RETREG1: variants seen among roughly 807,000 people sequenced by gnomAD.
The protein encoded by RETREG1 is family with sequence similarity 134 member B.
A neutral mutation model predicts 54.8 loss-of-function variants in RETREG1; 44 were observed. That is an observed-to-expected ratio of 0.80 (90% CI 0.63 to 1.03). The LOEUF (loss-of-function observed/expected upper bound fraction) is 1.03. Among genes scored for constraint, RETREG1 ranks in the 50% least tolerant of loss-of-function variants. The pLI, the probability that RETREG1 is intolerant of heterozygous loss-of-function variation, is 0.00. For synonymous variants in RETREG1, 217 were observed against 238.5 expected, an observed-to-expected ratio of 0.91 and a Z score of 0.83; for missense variants, 554 against 605.1, an observed-to-expected ratio of 0.92 and a Z score of 0.89.
At chr5:16,558,916 T>C (rs1741780619) in intron 3 of RETREG1, among the ~76,000 whole-genome samples, 1 of 152,236 alleles carries the variant, frequency 6.6e-6, no homozygotes, top group Non-Finnish European at 1.5e-5. Context: ...TCTCACTAAG[T>C]TCCATTCCTT....
At chr5:16,605,704 G>T (rs565708028) in intron 1 of RETREG1, among the ~76,000 whole-genome samples, 2 of 152,342 alleles carry the variant, frequency 1.3e-5, no homozygotes, top group South Asian at 4.1e-4. Flanking sequence ...GGGCTGGGAA[G>T]TTCAAGATCA....
intron 3 of RETREG1, among the ~76,000 whole-genome samples, chr5:16,525,603 CA>C (rs1740690112): frequency 6.6e-6 from 1 of 152,108 alleles, no homozygotes; most frequent in Non-Finnish European, 1.5e-5. Context: ...GTCCTGGGCC[CA>C]CATTACAGAT....
chr5:16,510,716 G>A (rs754760996), intron 3 of RETREG1, among the ~76,000 whole-genome samples: 40 of 151,368 alleles, frequency 2.6e-4, no homozygotes, highest in Non-Finnish European at 4.9e-4. Context: ...CTTGAGCCTG[G>A]GAGGCGGAGG....
intron 3 of RETREG1, among the ~76,000 whole-genome samples, chr5:16,501,234 G>C (rs1369564455): frequency 1.3e-5 from 2 of 152,072 alleles, no homozygotes; most frequent in East Asian, 3.9e-4. Flanking sequence ...TGCCCATTTT[G>C]CTGATGACAA....
intron 3 of RETREG1, among the ~76,000 whole-genome samples, chr5:16,500,573 G>A (rs1739667401): frequency 6.6e-6 from 1 of 152,088 alleles, no homozygotes. Context: ...ATGGAAATAG[G>A]ACCAGTCAGA....
intron 1 of RETREG1, among the ~76,000 whole-genome samples, chr5:16,574,867 G>T (rs910883488): frequency 6.6e-6 from 1 of 152,204 alleles, no homozygotes; most frequent in African/African-American, 2.4e-5. Context: ...AGAATAAAAT[G>T]CCGCAGTCCA....
rs11303408 is a variant in RETREG1, at chr5:16,573,180, C to CAAAAAA, written c.321-1084_321-1079dup. On this transcript the variant is annotated intron_variant, in intron 1 of 8. Transcript: ENST00000306320. ...CTGGTGAGAGAGTGAGATTCTGTCT[C>CAAAAAA]AAAAAAAAAAAAAAAAAAAAAAAAA... Among the ~76,000 whole-genome samples, 24 of 45,144 alleles carry CAAAAAA rather than the reference C, an allele frequency of 5.3e-4. 2 individuals carry two copies. Among genetic ancestry groups the CAAAAAA allele is most frequent in the African/African-American group, 7.4e-4 (10 of 13,434 alleles). The allele number at this position is 45,144 out of a possible 152,430, so 29.6% of individuals were successfully genotyped here. A position where few individuals can be genotyped will look rare whatever the true frequency, so the allele number is the denominator to read the frequency against.
chr5:16,611,756 C>G (rs1391515714), intron 1 of RETREG1, among the ~76,000 whole-genome samples: 1 of 152,208 alleles, frequency 6.6e-6, no homozygotes, highest in Non-Finnish European at 1.5e-5. Context: ...CTGATACACA[C>G]AGCAGAGATG....
rs3993834 is a variant in RETREG1 at position 16,581,526 on chromosome 5, AACACACACACAC to A, written c.321-9436_321-9425del. On this transcript the variant is annotated intron_variant, in intron 1 of 8. Transcript: ENST00000306320. ...AAATACTTTTTAAGTTCAGAAACAC[AACACACACACAC>A]ACACACACACACACACACACACACA... 2.6e-3 allele frequency among the ~76,000 whole-genome samples: 380 copies of A among 143,716 alleles called. 2 individuals carry two copies. Among genetic ancestry groups the A allele is most frequent in the African/African-American group, 8.4e-3 (296 of 35,084 alleles). 94.3% of individuals were successfully genotyped at this position (143,716 alleles called of 152,430 possible). A position where few individuals can be genotyped will look rare whatever the true frequency, so the allele number is the denominator to read the frequency against.
At chr5:16,603,169 T>C (rs1270893282) in intron 1 of RETREG1, among the ~76,000 whole-genome samples, 1 of 152,186 alleles carries the variant, frequency 6.6e-6, no homozygotes, top group Non-Finnish European at 1.5e-5. Flanking sequence ...CCAGTGGAAT[T>C]AATTGATATT....
At chr5:16,539,017 C>A (rs1198957885) in intron 3 of RETREG1, among the ~76,000 whole-genome samples, 1 of 152,166 alleles carries the variant, frequency 6.6e-6, no homozygotes, top group East Asian at 1.9e-4. Flanking sequence ...GCTAGGCTGT[C>A]GGAATCTGTT....
chr5:16,601,809 G>T (rs1743062580), intron 1 of RETREG1, among the ~76,000 whole-genome samples: 1 of 152,134 alleles, frequency 6.6e-6, no homozygotes, highest in African/African-American at 2.4e-5. Context: ...TATCAACAGA[G>T]GTCTATCAGT....
intron 3 of RETREG1, among the ~76,000 whole-genome samples, chr5:16,534,107 A>C (rs1025124175): frequency 2.0e-5 from 3 of 152,058 alleles, no homozygotes; most frequent in Non-Finnish European, 2.9e-5. Context: ...AAAAAAAAAA[A>C]ACACATTTTC....
intron 3 of RETREG1, among the ~76,000 whole-genome samples, chr5:16,536,384 A>C (rs570789604): frequency 7.2e-5 from 11 of 152,240 alleles, no homozygotes; most frequent in Admixed American, 1.3e-4. Context: ...TAAAAACCCA[A>C]ACTTTACGTC....
chr5:16,489,502 AG>A (rs1374864385), intron 3 of RETREG1, among the ~76,000 whole-genome samples: 2 of 152,256 alleles, frequency 1.3e-5, no homozygotes, highest in Non-Finnish European at 2.9e-5. Context: ...AACATGTGCT[AG>A]CAGCCTGTTT....
At chr5:16,615,273 G>A (rs1314875526) in intron 1 of RETREG1, among the ~76,000 whole-genome samples, 4 of 151,396 alleles carry the variant, frequency 2.6e-5, no homozygotes, top group Admixed American at 2.6e-4. Flanking sequence ...GGTGGCGGGC[G>A]CCTGTAGTCC....
intron 5 of RETREG1, among the ~76,000 whole-genome samples, chr5:16,480,250 C>A (rs991246878): frequency 2.0e-5 from 3 of 151,994 alleles, no homozygotes; most frequent in Non-Finnish European, 2.9e-5. Flanking sequence ...CACACTTTTT[C>A]ATCTGGTTTT....
intron 3 of RETREG1, among the ~76,000 whole-genome samples, chr5:16,542,747 T>C (rs1741284900): frequency 6.6e-6 from 1 of 152,242 alleles, no homozygotes; most frequent in African/African-American, 2.4e-5. Flanking sequence ...GACAGTTCCA[T>C]GAAACTCCTA....
rs548251469 is a variant in RETREG1, at chr5:16,535,777, C to T, written c.458+29986G>A. ...AGCTGGGGTTCCTGTGTGCACGCTG[C>T]CTTCACGAAGTGGGAGCTGGGGTTC... On this transcript the variant is annotated intron_variant, in intron 3 of 8. Transcript: ENST00000306320. Among the ~76,000 whole-genome samples the T allele has an allele frequency of 3.8e-3, 478 of 126,584 alleles. 15 individuals are homozygous for T. The highest frequency in any genetic ancestry group is 0.015 in the African/African-American group (446 of 30,616). 83.0% of individuals were successfully genotyped at this position (126,584 alleles called of 152,430 possible). A position where few individuals can be genotyped will look rare whatever the true frequency, so the allele number is the denominator to read the frequency against.
Sources: gnomAD v4.1 joint callset for allele counts (sites outside exome capture counted in the v4.1 genomes callset) on GRCh38, gnomAD v4.1.1 for gene constraint, MANE v1.5 for transcripts, NCBI Gene and HGNC (gene_info 2026-07-23, HGNC 2026-07-21) for gene names.